The following FHIP1A variants were observed in gnomAD, a reference collection of about 807,000 sequenced individuals.
The protein encoded by FHIP1A is FHF complex subunit HOOK-interacting protein 1A.
A neutral mutation model predicts 88.6 loss-of-function variants in FHIP1A; 61 were observed. That is an observed-to-expected ratio of 0.69 (90% CI 0.56 to 0.85). The LOEUF is 0.85. Ranked by LOEUF, FHIP1A falls within the 40% of genes least tolerant of loss-of-function variation. FHIP1A has a pLI of 0.00. For synonymous variants in FHIP1A, 478 were observed against 496.0 expected (o/e 0.96, Z 0.48); for missense variants, 1,154 against 1,273.5 (o/e 0.91, Z 1.43).
intron 3 of FHIP1A, among the ~76,000 whole-genome samples, chr4:151,505,406 A>G (rs540598891): frequency 3.3e-5 from 5 of 152,310 alleles, no homozygotes; most frequent in African/African-American, 1.2e-4. Flanking sequence ...CCAAATGGCA[A>G]TGAGGGAAAA....
intron 3 of FHIP1A, among the ~76,000 whole-genome samples, chr4:151,484,180 T>G (rs557444263): frequency 6.6e-6 from 1 of 152,298 alleles, no homozygotes; most frequent in African/African-American, 2.4e-5. Context: ...GAATGAACAT[T>G]CTTATGATAA....
intron 2 of FHIP1A, among the ~76,000 whole-genome samples, chr4:151,457,903 T>C (rs1189693976): frequency 1.3e-5 from 2 of 152,130 alleles, no homozygotes; most frequent in African/African-American, 2.4e-5. Flanking sequence ...AACAGAAATA[T>C]ATTTTGATGG....
At chr4:151,453,453 A>G (rs758965370) in intron 1 of FHIP1A, among the ~76,000 whole-genome samples, 1 of 152,220 alleles carries the variant, frequency 6.6e-6, no homozygotes, top group Admixed American at 6.5e-5. Flanking sequence ...GTCATCTACA[A>G]TAGGGATAAT....
chr4:151,631,910 A>G (rs1736171854), intron 8 of FHIP1A, among the ~76,000 whole-genome samples: 1 of 152,194 alleles, frequency 6.6e-6, no homozygotes, highest in African/African-American at 2.4e-5. Context: ...TAAGACACAC[A>G]GAAAACAACA....
chr4:151,543,238 G>T (rs1732364279), intron 3 of FHIP1A, among the ~76,000 whole-genome samples: 1 of 152,132 alleles, frequency 6.6e-6, no homozygotes, highest in Admixed American at 6.6e-5. Context: ...AGGAAATCCA[G>T]CTCTAGAGTC....
At chr4:151,618,192 A>C (rs1002200692) in intron 7 of FHIP1A, among the ~76,000 whole-genome samples, 1 of 152,254 alleles carries the variant, frequency 6.6e-6, no homozygotes, top group African/African-American at 2.4e-5. Context: ...GAAAGTGGCT[A>C]GCACTCATCA....
At chr4:151,513,270 C>T (rs1254309218) in intron 3 of FHIP1A, among the ~76,000 whole-genome samples, 2 of 152,150 alleles carry the variant, frequency 1.3e-5, no homozygotes, top group Admixed American at 1.3e-4. Flanking sequence ...TTTGTCACCA[C>T]CAGGCTTGCC....
Position 151,650,176 on chromosome 4 carries a change from CAAAG to C in FHIP1A, c.2136_2139del (p.Gln714ArgfsTer14). 6.4e-7 allele frequency: 1 copy of C among 1,551,682 alleles called. No homozygotes were observed. Among genetic ancestry groups the C allele is most frequent in the Non-Finnish European group, 8.7e-7 (1 of 1,146,988 alleles). On this transcript the variant is annotated frameshift_variant, in exon 11 of 14. Coordinates refer to ENST00000435205, the MANE Select transcript of FHIP1A (RefSeq NM_001109977.3). LOFTEE classifies it high-confidence loss of function. ...CCGTTTCACAGTGAGCCCAAGGAGC[CAAAG>C]CAAGAGAGGGAACCTGAAGCAGCCC...
chr4:151,467,883 G>C (rs1729377212), intron 2 of FHIP1A, among the ~76,000 whole-genome samples: 2 of 151,816 alleles, frequency 1.3e-5, no homozygotes, highest in Non-Finnish European at 1.5e-5. Context: ...AATGCATGCA[G>C]GGCTTAAAAC....
intron 9 of FHIP1A, among the ~76,000 whole-genome samples, chr4:151,641,772 T>C (rs1404225608): frequency 1.3e-5 from 2 of 152,236 alleles, no homozygotes; most frequent in African/African-American, 4.8e-5. Context: ...AAAATCTTTA[T>C]TCTTCAAGTC....
At chr4:151,606,497 T>C (rs1380425421) in intron 7 of FHIP1A, among the ~76,000 whole-genome samples, 1 of 152,236 alleles carries the variant, frequency 6.6e-6, no homozygotes, top group African/African-American at 2.4e-5. Flanking sequence ...GCTAAATCTT[T>C]TGTAGCTTCC....
intron 1 of FHIP1A, among the ~76,000 whole-genome samples, chr4:151,443,403 A>G (rs1313850587): frequency 1.3e-5 from 2 of 152,092 alleles, no homozygotes; most frequent in African/African-American, 4.8e-5. Context: ...CCTGGATTTA[A>G]GGGATCCTCC....
chr4:151,537,592 A>C (rs970391703), intron 3 of FHIP1A, among the ~76,000 whole-genome samples: 6 of 152,108 alleles, frequency 3.9e-5, no homozygotes, highest in Non-Finnish European at 8.8e-5. Flanking sequence ...CAAAAGTTTT[A>C]AGTTTTGATG....
At chr4:151,580,818 GC>G (rs1284130770) in intron 5 of FHIP1A, among the ~76,000 whole-genome samples, 1 of 151,648 alleles carries the variant, frequency 6.6e-6, no homozygotes, top group African/African-American at 2.4e-5. Flanking sequence ...TGTATGAACA[GC>G]AGTAAATCAA....
chr4:151,434,622 T>C (rs541240378), intron 1 of FHIP1A, among the ~76,000 whole-genome samples: 12 of 152,326 alleles, frequency 7.9e-5, no homozygotes, highest in Admixed American at 2.0e-4. Context: ...GGATTTTTTT[T>C]CCCCAGTCAT....
chr4:151,429,574 C>A (rs1283271234), intron 1 of FHIP1A, among the ~76,000 whole-genome samples: 1 of 152,032 alleles, frequency 6.6e-6, no homozygotes, highest in African/African-American at 2.4e-5. Flanking sequence ...AAATAATATC[C>A]ACGGTGGCTC....
chr4:151,574,048 T>C (rs938359714), intron 4 of FHIP1A, among the ~76,000 whole-genome samples: 7 of 152,178 alleles, frequency 4.6e-5, no homozygotes, highest in African/African-American at 1.7e-4. Flanking sequence ...AGAGCCCGCT[T>C]GTAAAAGCAG....
intron 2 of FHIP1A, among the ~76,000 whole-genome samples, chr4:151,462,965 G>C (rs1729191071): frequency 6.6e-6 from 1 of 152,172 alleles, no homozygotes; most frequent in African/African-American, 2.4e-5. Flanking sequence ...GCCTTGGTTT[G>C]ACTTTAGATT....
At chr4:151,629,971 T>C (rs1329461163) in intron 8 of FHIP1A, 102 bp downstream of exon 8, 21 of 994,282 alleles carry the variant, frequency 2.1e-5, no homozygotes. Flanking sequence ...TGCTCTCCTT[T>C]TTTTTTCTTT....
Sources: gnomAD v4.1 joint callset for allele counts (sites outside exome capture counted in the v4.1 genomes callset) on GRCh38, gnomAD v4.1.1 for gene constraint, MANE v1.5 for transcripts, NCBI Gene and HGNC (gene_info 2026-07-23, HGNC 2026-07-21) for gene names.